Variants in DENND1B observed in about 807,000 individuals in gnomAD.
The protein encoded by DENND1B is DENN domain-containing protein 1B.
In DENND1B, 59 loss-of-function variants were observed where a neutral mutation model predicts 90.1. The observed-to-expected ratio is 0.65, with a 90% confidence interval of 0.53 to 0.81. The LOEUF is 0.81. Among genes scored for constraint, DENND1B ranks in the 40% least tolerant of loss-of-function variants. The probability of loss-of-function intolerance (pLI) is 0.00; values close to 1 mark genes in which losing one functional copy is unlikely to be tolerated. For synonymous variants in DENND1B, 337 were observed against 324.6 expected (o/e 1.04, Z -0.41); for missense variants, 862 against 912.6 (o/e 0.94, Z 0.71).
At chr1:197,707,337 T>G (rs923757733) in intron 3 of DENND1B, among the ~76,000 whole-genome samples, 1 of 151,932 alleles carries the variant, frequency 6.6e-6, no homozygotes, top group Non-Finnish European at 1.5e-5. Context: ...GGAGGAATGG[T>G]GTTCTAGTGT....
intron 15 of DENND1B, among the ~76,000 whole-genome samples, chr1:197,581,583 A>G (rs1674245999): frequency 6.6e-6 from 1 of 152,156 alleles, no homozygotes. Flanking sequence ...TTTCTATTTT[A>G]AAGAAAAAGA....
chr1:197,635,974 TA>T lies in DENND1B; in HGVS notation c.672+6736del, dbSNP rs529170463. On this transcript the variant is annotated intron_variant, in intron 10 of 22. Transcript: ENST00000620048. ...ATTGTAGTGACTGACTGAACAAGATTAAAAAAAAAAAAGAAAGAAAAAAAAA... is the reference window on the plus strand; with the variant it reads ...ATTGTAGTGACTGACTGAACAAGATTAAAAAAAAAAAGAAAGAAAAAAAAA... Among the ~76,000 whole-genome samples, 1,118 of 137,822 alleles carry T rather than the reference TA, an allele frequency of 8.1e-3. 11 individuals carry two copies. The highest frequency in any genetic ancestry group is 0.023 in the African/African-American group (853 of 37,656). The allele number at this position is 137,822 out of a possible 152,430, so 90.4% of individuals were successfully genotyped here.
At position 197,623,713 on chromosome 1, in the gene DENND1B, A is replaced by C. The variant is rs544495564; in HGVS notation, c.673-5954T>G. Among the ~76,000 whole-genome samples, 6 of 151,626 alleles carry C rather than the reference A, an allele frequency of 4.0e-5. No individual in the cohort carries two copies. In the South Asian group the frequency reaches 8.3e-4, roughly 21 times the overall value. On this transcript the variant is annotated intron_variant, in intron 10 of 22. Transcript: ENST00000620048. ...TTAACATACCCAACCACACTGGTAC[A>C]TTGTTACAGTCAATGAACCTATATT... is the stretch of plus-strand genomic sequence containing the variant.
chr1:197,771,319 T>C (rs1656584085), intron 2 of DENND1B, among the ~76,000 whole-genome samples: 2 of 152,216 alleles, frequency 1.3e-5, no homozygotes, highest in Admixed American at 6.5e-5. Context: ...TAGAATTAAA[T>C]TGGAGCTGAA....
At chr1:197,618,650 A>T (rs1231609066) in intron 10 of DENND1B, among the ~76,000 whole-genome samples, 1 of 151,088 alleles carries the variant, frequency 6.6e-6, no homozygotes, top group Non-Finnish European at 1.5e-5. Context: ...ATTTCTGTAG[A>T]TGTAAAGTCA....
chr1:197,709,806 C>T (rs1346064029), intron 3 of DENND1B, among the ~76,000 whole-genome samples: 3 of 141,180 alleles, frequency 2.1e-5, no homozygotes, highest in Admixed American at 2.1e-4. Flanking sequence ...GAGTCAACAC[C>T]CATCAGTGTG....
chr1:197,638,402 T>TA (rs1182771848), intron 10 of DENND1B, among the ~76,000 whole-genome samples: 1 of 152,246 alleles, frequency 6.6e-6, no homozygotes, highest in African/African-American at 2.4e-5. Context: ...CACCTGCTTC[T>TA]ACAGGCCACA....
intron 20 of DENND1B, 22 bp from the exon 21 acceptor site, chr1:197,512,975 A>T: frequency 6.3e-7 from 1 of 1,593,062 alleles, no homozygotes; most frequent in Non-Finnish European, 8.6e-7. Flanking sequence ...GATTGACAAT[A>T]AATTGGCATT....
intron 3 of DENND1B, among the ~76,000 whole-genome samples, chr1:197,694,040 G>A (rs867684564): frequency 2.8e-4 from 43 of 151,074 alleles, no homozygotes; most frequent in Admixed American, 1.1e-3. Context: ...TGTATTTCAG[G>A]CTTAAATTTT....
intron 16 of DENND1B, among the ~76,000 whole-genome samples, chr1:197,550,669 A>AG (rs34588913): frequency 6.0e-4 from 88 of 146,846 alleles, no homozygotes; most frequent in African/African-American, 2.2e-3. Flanking sequence ...TTGTGGGGTG[A>AG]GGGGGGGGGG....
intron 15 of DENND1B, among the ~76,000 whole-genome samples, chr1:197,558,021 T>A (rs1249696146): frequency 6.6e-6 from 1 of 151,874 alleles, no homozygotes; most frequent in Non-Finnish European, 1.5e-5. Context: ...TTGGAAGACA[T>A]AAGCTTTGAA....
chr1:197,743,667 C>T (rs1663429029), intron 2 of DENND1B, among the ~76,000 whole-genome samples: 1 of 152,190 alleles, frequency 6.6e-6, no homozygotes. Context: ...ATTTTATCCA[C>T]AGTAGAACAT....
intron 15 of DENND1B, among the ~76,000 whole-genome samples, chr1:197,573,254 C>T (rs1041089825): frequency 2.6e-5 from 4 of 151,972 alleles, no homozygotes; most frequent in East Asian, 1.9e-4. Flanking sequence ...TTGGATCTTT[C>T]CTGCTTTCTC....
At chr1:197,763,615 A>C (rs978050521) in intron 2 of DENND1B, among the ~76,000 whole-genome samples, 24 of 152,196 alleles carry the variant, frequency 1.6e-4, no homozygotes, top group African/African-American at 5.1e-4. Context: ...CAAAAGCAAT[A>C]TATTCTTTAC....
chr1:197,754,154 A>G (rs1171378178), intron 2 of DENND1B, among the ~76,000 whole-genome samples: 2 of 152,094 alleles, frequency 1.3e-5, no homozygotes, highest in African/African-American at 2.4e-5. Flanking sequence ...ATTAAATAAA[A>G]TACATTGTTA....
intron 13 of DENND1B, 150 bp from the exon 14 acceptor site, chr1:197,595,483 A>G: frequency 1.0e-6 from 1 of 985,866 alleles, no homozygotes; most frequent in Admixed American, 2.6e-5. Flanking sequence ...TGCAGAGAGC[A>G]CCTGCTGGTC....
intron 2 of DENND1B, among the ~76,000 whole-genome samples, chr1:197,718,988 G>A (rs923605393): frequency 1.4e-4 from 22 of 152,050 alleles, no homozygotes; most frequent in African/African-American, 5.3e-4. Context: ...AGAGAAGAGG[G>A]TGTATCTAAA....
chr1:197,670,443 CTGTGTGTGTGTGTG>C (rs60648023), intron 5 of DENND1B, among the ~76,000 whole-genome samples: 2 of 99,538 alleles, frequency 2.0e-5, no homozygotes, highest in Middle Eastern at 4.9e-3. Context: ...GGGGGGAAGA[CTGTGTGTGTGTGTG>C]TGTGTGTGTG....
chr1:197,517,399 G>T (rs1277986630), intron 20 of DENND1B, among the ~76,000 whole-genome samples: 1 of 151,836 alleles, frequency 6.6e-6, no homozygotes, highest in South Asian at 2.1e-4. Flanking sequence ...CTAACCAAAG[G>T]TATCACCATG....
Sources: gnomAD v4.1 joint callset for allele counts (sites outside exome capture counted in the v4.1 genomes callset) on GRCh38, gnomAD v4.1.1 for gene constraint, MANE v1.5 for transcripts, NCBI Gene and HGNC (gene_info 2026-07-23, HGNC 2026-07-21) for gene names.